The following CCSER1 variants were observed in gnomAD, a reference collection of about 807,000 sequenced individuals.
CCSER1 encodes coiled-coil serine rich protein 1.
A neutral mutation model predicts 82.0 loss-of-function variants in CCSER1; 41 were observed. The ratio of observed to expected loss-of-function variants is 0.50; its 90% CI spans 0.39 to 0.65. The LOEUF is 0.65. Among genes scored for constraint, CCSER1 ranks in the 30% least tolerant of loss-of-function variants. CCSER1 has a pLI of 0.00. For missense variants in CCSER1, 1,119 were observed against 1,064.2 expected (o/e 1.05, Z -0.72); for synonymous variants, 414 against 383.9 (o/e 1.08, Z -0.92).
chr4:91,411,987 A>T (rs993963741), intron 10 of CCSER1, among the ~76,000 whole-genome samples: 1 of 152,130 alleles, frequency 6.6e-6, no homozygotes, highest in African/African-American at 2.4e-5. Context: ...TTCAGCAAGA[A>T]GCAGGGTTAG....
At chr4:91,564,652 G>C (rs1762799182) in intron 10 of CCSER1, among the ~76,000 whole-genome samples, 1 of 151,820 alleles carries the variant, frequency 6.6e-6, no homozygotes, top group Admixed American at 6.6e-5. Context: ...GTGCTACTGA[G>C]CTTTTTTTTA....
intron 9 of CCSER1, among the ~76,000 whole-genome samples, chr4:91,005,263 A>G (rs1029592180): frequency 6.6e-6 from 1 of 152,174 alleles, no homozygotes; most frequent in African/African-American, 2.4e-5. Context: ...GTCAGATGAG[A>G]CAATAAAATA....
chr4:91,148,621 C>T (rs1729788968), intron 10 of CCSER1, among the ~76,000 whole-genome samples: 1 of 152,144 alleles, frequency 6.6e-6, no homozygotes, highest in South Asian at 2.1e-4. Flanking sequence ...TCTCCTGATG[C>T]TATCCATCCC....
At chr4:90,148,273 C>T (rs1310656751) in intron 1 of CCSER1, among the ~76,000 whole-genome samples, 1 of 152,068 alleles carries the variant, frequency 6.6e-6, no homozygotes, top group African/African-American at 2.4e-5. Context: ...CTCAAATAAA[C>T]ACATGTGCAT....
intron 7 of CCSER1, among the ~76,000 whole-genome samples, chr4:90,741,303 C>T (rs531264392): frequency 1.3e-5 from 2 of 152,262 alleles, no homozygotes; most frequent in African/African-American, 2.4e-5. Flanking sequence ...ATCACTGAAA[C>T]ATTTTTTCTG....
At chr4:91,210,330 A>T (rs1736709718) in intron 10 of CCSER1, among the ~76,000 whole-genome samples, 1 of 151,224 alleles carries the variant, frequency 6.6e-6, no homozygotes, top group Non-Finnish European at 1.5e-5. Flanking sequence ...CTATGCTGCT[A>T]TCAGTAAATA....
intron 5 of CCSER1, among the ~76,000 whole-genome samples, chr4:90,506,946 A>T (rs970852509): frequency 6.6e-6 from 1 of 152,196 alleles, no homozygotes; most frequent in African/African-American, 2.4e-5. Flanking sequence ...TAAAAAATAA[A>T]TGAATAGATT....
chr4:91,257,980 C>CT (rs1440147982), intron 10 of CCSER1, among the ~76,000 whole-genome samples: 2 of 152,064 alleles, frequency 1.3e-5, no homozygotes, highest in African/African-American at 4.8e-5. Context: ...AACGACTTCA[C>CT]TTTAGTAAGA....
intron 10 of CCSER1, among the ~76,000 whole-genome samples, chr4:91,107,772 GA>G: frequency 6.6e-6 from 1 of 151,942 alleles, no homozygotes; most frequent in Non-Finnish European, 1.5e-5. Flanking sequence ...TTGTGTGTGG[GA>G]AAGACATTAA....
chr4:91,365,448 A>G (rs1749546780), intron 10 of CCSER1, among the ~76,000 whole-genome samples: 1 of 152,158 alleles, frequency 6.6e-6, no homozygotes. Context: ...ATAATGTGCA[A>G]AGTAGATGAT....
intron 7 of CCSER1, among the ~76,000 whole-genome samples, chr4:90,755,906 A>AT (rs2149499499): frequency 6.6e-6 from 1 of 152,256 alleles, no homozygotes; most frequent in African/African-American, 2.4e-5. Context: ...ACATGTTTTC[A>AT]TTTTACCTAA....
At chr4:90,221,847 C>T (rs1742214628) in intron 1 of CCSER1, among the ~76,000 whole-genome samples, 1 of 152,058 alleles carries the variant, frequency 6.6e-6, no homozygotes, top group Admixed American at 6.6e-5. Flanking sequence ...ATTTGTTTTG[C>T]CTACATTACA....
intron 10 of CCSER1, among the ~76,000 whole-genome samples, chr4:91,283,745 A>G (rs1452254917): frequency 2.0e-5 from 3 of 151,470 alleles, no homozygotes; most frequent in Non-Finnish European, 4.4e-5. Flanking sequence ...TTTCTCCACC[A>G]TTTTCTACTG....
chr4:90,562,062 T>G (rs548894888), intron 5 of CCSER1, among the ~76,000 whole-genome samples: 19 of 151,844 alleles, frequency 1.3e-4, no homozygotes, highest in Non-Finnish European at 2.6e-4. Flanking sequence ...TAGTGGCGAG[T>G]GCCTGTAATA....
rs34669620 is a variant in CCSER1, at chr4:91,227,289, T to TA, written c.2217+141304dup. ...CTTAAAACAACAGACAATATTTAGTTAAAAAAAAAGGAAACCAGCAAATAA... is the reference window on the plus strand; with the variant it reads ...CTTAAAACAACAGACAATATTTAGTTAAAAAAAAAAGGAAACCAGCAAATAA... On this transcript the variant is annotated intron_variant, in intron 10 of 10. Coordinates refer to ENST00000509176, the MANE Select transcript of CCSER1 (RefSeq NM_001145065.2). Among the ~76,000 whole-genome samples, 529 of 150,136 alleles carry TA rather than the reference T, an allele frequency of 3.5e-3. 1 individual carries two copies. The highest frequency in any genetic ancestry group is 5.9e-3 in the Non-Finnish European group (394 of 67,282).
intron 7 of CCSER1, among the ~76,000 whole-genome samples, chr4:90,784,903 C>A (rs1022136448): frequency 6.6e-6 from 1 of 152,220 alleles, no homozygotes; most frequent in South Asian, 2.1e-4. Context: ...ATATACTATT[C>A]ATTAAGTGGA....
chr4:90,201,597 A>G (rs886171230), intron 1 of CCSER1, among the ~76,000 whole-genome samples: 4 of 151,212 alleles, frequency 2.6e-5, no homozygotes, highest in Non-Finnish European at 4.4e-5. Flanking sequence ...TTTTTATACT[A>G]AATCTTTGAA....
At chr4:90,981,917 G>T (rs929372616) in intron 9 of CCSER1, among the ~76,000 whole-genome samples, 3 of 151,790 alleles carry the variant, frequency 2.0e-5, no homozygotes, top group Non-Finnish European at 4.4e-5. Context: ...CATGAGAGTA[G>T]CTACATTTGA....
chr4:91,158,768 T>A (rs966737828), intron 10 of CCSER1, among the ~76,000 whole-genome samples: 1 of 151,856 alleles, frequency 6.6e-6, no homozygotes, highest in Non-Finnish European at 1.5e-5. Context: ...CACCTCAAAG[T>A]GGAACAGTGA....
Sources: gnomAD v4.1 joint callset for allele counts (sites outside exome capture counted in the v4.1 genomes callset) on GRCh38, gnomAD v4.1.1 for gene constraint, MANE v1.5 for transcripts, NCBI Gene and HGNC (gene_info 2026-07-23, HGNC 2026-07-21) for gene names.